Variants in LSAMP observed in about 807,000 individuals in gnomAD.
The protein encoded by LSAMP is limbic system-associated membrane protein.
LSAMP carries 7 observed loss-of-function variants against 38.6 expected under a neutral mutation model. That is an observed-to-expected ratio of 0.18 (90% CI 0.10 to 0.34). LSAMP has a LOEUF of 0.34. Ranked by LOEUF, LSAMP falls within the 10% of genes least tolerant of loss-of-function variation. The pLI is 1.00. For synonymous variants in LSAMP, 154 were observed against 166.8 expected (o/e 0.92, Z 0.59); for missense variants, 313 against 420.0 (o/e 0.75, Z 2.23).
In LSAMP at chr3:116,435,223, G is replaced by A. The variant is rs986932454; in HGVS notation, c.155+9654C>T. On this transcript the variant is annotated intron_variant, in intron 1 of 6. Coordinates refer to ENST00000490035, the MANE Select transcript of LSAMP (RefSeq NM_002338.5). ...TACAGAGCTTCAGCTCTAAAAACTG[G>A]GACCCTCTCTTTTACTCCTTAACTA... Among the ~76,000 whole-genome samples, 3 of 152,080 alleles carry A rather than the reference G, an allele frequency of 2.0e-5. No homozygotes were observed. The South Asian group carries it at 6.2e-4, about 31-fold the overall frequency.
intron 1 of LSAMP, among the ~76,000 whole-genome samples, chr3:116,210,437 G>A (rs563410858): frequency 6.6e-6 from 1 of 152,204 alleles, no homozygotes; most frequent in African/African-American, 2.4e-5. Flanking sequence ...CATGCTGGAT[G>A]CTTCCTACCT....
intron 3 of LSAMP, among the ~76,000 whole-genome samples, chr3:115,991,609 A>T (rs918090454): frequency 3.3e-5 from 5 of 152,114 alleles, no homozygotes; most frequent in African/African-American, 7.2e-5. Flanking sequence ...AATCTTACAT[A>T]GTCATAGTAA....
At chr3:116,073,474 G>A (rs1476191481) in intron 2 of LSAMP, among the ~76,000 whole-genome samples, 2 of 152,114 alleles carry the variant, frequency 1.3e-5, no homozygotes, top group Admixed American at 6.6e-5. Context: ...ATAGTTTAAC[G>A]GGAATAGCAT....
Position 116,278,893 on chromosome 3 carries a change from T to G in LSAMP, c.155+165984A>C, listed in dbSNP as rs144947139. 3.9e-4 allele frequency among the ~76,000 whole-genome samples: 59 copies of G among 152,348 alleles called. No homozygotes were observed. The East Asian group carries it at 9.6e-3, about 25-fold the overall frequency. On this transcript the variant is annotated intron_variant, in intron 1 of 6. Coordinates refer to ENST00000490035, the MANE Select transcript of LSAMP (RefSeq NM_002338.5). The stretch of plus-strand genomic sequence containing the variant: ...CTGTCTCAAAGAAGATGGATAGCTA[T>G]GTTAGCCTAAAGTCACCTGCTCCAA...
At chr3:116,035,338 T>C (rs28729861) in intron 2 of LSAMP, among the ~76,000 whole-genome samples, 3,605 of 152,294 alleles carry the variant, frequency 0.024, 128 homozygotes, top group African/African-American at 0.079. Context: ...AGATGCTACA[T>C]TGTTTGACTC....
chr3:116,275,798 T>C (rs993636450), intron 1 of LSAMP, among the ~76,000 whole-genome samples: 1 of 152,160 alleles, frequency 6.6e-6, no homozygotes, highest in African/African-American at 2.4e-5. Context: ...TTCTCCCAAT[T>C]TGAGACCTAT....
At chr3:115,884,202 G>A (rs753678524) in intron 3 of LSAMP, among the ~76,000 whole-genome samples, 6 of 152,010 alleles carry the variant, frequency 3.9e-5, no homozygotes, top group Non-Finnish European at 7.4e-5. Context: ...AATAATGGGT[G>A]AATGGAACTA....
chr3:115,885,451 T>G (rs992462192), intron 3 of LSAMP, among the ~76,000 whole-genome samples: 8 of 151,960 alleles, frequency 5.3e-5, no homozygotes, highest in Non-Finnish European at 7.4e-5. Context: ...TTATTAGTTC[T>G]GAAGAAAAAC....
At position 115,808,198 on chromosome 3, in the gene LSAMP, TTC is replaced by T; in HGVS notation, c.*2117_*2118del. 1 of 137,250 alleles carries T rather than the reference TTC, an allele frequency of 7.3e-6. No individual in the cohort carries two copies. Among genetic ancestry groups the T allele is most frequent in the African/African-American group, 2.7e-5 (1 of 37,238 alleles). 8.5% of individuals were successfully genotyped at this position (137,250 alleles called of 1,614,324 possible). A position where few individuals can be genotyped will look rare whatever the true frequency, so the allele number is the denominator to read the frequency against. ...CTGCCTTCCTTCCTTCCTTCCTTCC[TTC>T]TTTCCTTTCTTTTTTTCCAGTTACA... is the stretch of plus-strand genomic sequence containing the variant. On this transcript the variant is annotated 3_prime_UTR_variant, in exon 7 of 7. Transcript: ENST00000490035.
intron 1 of LSAMP, among the ~76,000 whole-genome samples, chr3:116,316,738 T>A (rs1576121453): frequency 7.9e-6 from 1 of 125,964 alleles, no homozygotes; most frequent in African/African-American, 3.1e-5. Context: ...GCCATTGCAC[T>A]CCAGCCTGGG....
chr3:115,947,472 G>C (rs1310660829), intron 3 of LSAMP, among the ~76,000 whole-genome samples: 1 of 151,992 alleles, frequency 6.6e-6, no homozygotes, highest in Non-Finnish European at 1.5e-5. Context: ...AAATAAAAAG[G>C]TGAAACCTAT....
At chr3:116,147,700 A>T (rs1383470381) in intron 1 of LSAMP, among the ~76,000 whole-genome samples, 1 of 151,874 alleles carries the variant, frequency 6.6e-6, no homozygotes, top group Non-Finnish European at 1.5e-5. Context: ...ATTATCCTTG[A>T]TCTTTCAAAA....
chr3:115,937,591 T>C (rs571995409), intron 3 of LSAMP, among the ~76,000 whole-genome samples: 17 of 151,368 alleles, frequency 1.1e-4, no homozygotes, highest in Middle Eastern at 3.4e-3. Context: ...CAGTGAGCCA[T>C]GATTGCACCA....
chr3:116,302,435 A>G (rs1208627949), intron 1 of LSAMP, among the ~76,000 whole-genome samples: 2 of 152,284 alleles, frequency 1.3e-5, no homozygotes, highest in East Asian at 3.9e-4. Flanking sequence ...AATCACCTCT[A>G]AAAACTCCAC....
rs35080251 is a variant in LSAMP, at chr3:116,102,767, T to TTATCTATCTATCTATC, written c.156-16227_156-16212dup. Among the ~76,000 whole-genome samples the TTATCTATCTATCTATC allele has an allele frequency of 6.9e-3, 1,038 of 151,132 alleles. 12 individuals carry two copies. The highest frequency in any genetic ancestry group is 0.025 in the African/African-American group (1,000 of 40,698). On this transcript the variant is annotated intron_variant, in intron 1 of 6. Coordinates refer to ENST00000490035, the MANE Select transcript of LSAMP (RefSeq NM_002338.5). Reference sequence around the variant, plus strand: ...TAATCATGTGAGCCATTTTAAAATTTTATCTATCTATCTATCTATCTGTCT... The same window carrying TTATCTATCTATCTATC: ...TAATCATGTGAGCCATTTTAAAATTTTATCTATCTATCTATCTATCTATCTATCTATCTATCTGTCT...
intron 3 of LSAMP, among the ~76,000 whole-genome samples, chr3:115,979,819 A>G (rs1413543031): frequency 1.3e-5 from 2 of 152,164 alleles, no homozygotes; most frequent in Non-Finnish European, 2.9e-5. Flanking sequence ...TGACTCAAAT[A>G]CTTATAGCTG....
At chr3:116,429,339 G>T (rs1454851606) in intron 1 of LSAMP, among the ~76,000 whole-genome samples, 2 of 152,214 alleles carry the variant, frequency 1.3e-5, no homozygotes, top group Non-Finnish European at 2.9e-5. Context: ...GTTGGAGAAA[G>T]AAATTGGGTT....
intron 6 of LSAMP, among the ~76,000 whole-genome samples, chr3:115,826,261 C>T (rs1373121275): frequency 6.6e-6 from 1 of 152,020 alleles, no homozygotes; most frequent in Non-Finnish European, 1.5e-5. Flanking sequence ...ACTACAGGCA[C>T]CTGCCACCAC....
intron 3 of LSAMP, among the ~76,000 whole-genome samples, chr3:116,009,150 C>G (rs982774169): frequency 6.6e-6 from 1 of 152,130 alleles, no homozygotes; most frequent in South Asian, 2.1e-4. Flanking sequence ...GAGTACTACA[C>G]ACATTGTGGG....
Sources: allele counts gnomAD v4.1 joint callset (sites outside exome capture counted in the v4.1 genomes callset), GRCh38; gene constraint gnomAD v4.1.1; transcripts MANE v1.5; gene names NCBI Gene and HGNC (gene_info 2026-07-23, HGNC 2026-07-21).